Variants in BMP7 observed in about 807,000 individuals in gnomAD.
BMP7 encodes the protein osteogenic protein 1.
In BMP7, 12 loss-of-function variants were observed where a neutral mutation model predicts 41.2. That is an observed-to-expected ratio of 0.29 (90% CI 0.19 to 0.47). The LOEUF (loss-of-function observed/expected upper bound fraction) is 0.47. Among genes scored for constraint, BMP7 ranks in the 20% least tolerant of loss-of-function variants. BMP7 has a pLI of 0.99. For missense variants in BMP7, 467 were observed against 606.0 expected (o/e 0.77, Z 2.41); for synonymous variants, 248 against 250.0 (o/e 0.99, Z 0.07).
At chr20:57,226,086 C>T (rs1032974619) in intron 2 of BMP7, 26 of 402,500 alleles carry the variant, frequency 6.5e-5, no homozygotes, top group South Asian at 2.0e-4. Flanking sequence ...ACGCCTGGAA[C>T]GCCCATCCCT....
chr20:57,236,985 C>A (rs771355953), intron 1 of BMP7, among the ~76,000 whole-genome samples: 1 of 152,186 alleles, frequency 6.6e-6, no homozygotes, highest in Admixed American at 6.5e-5. Context: ...ATTTGGTTAA[C>A]CTTCCAGACT....
chr20:57,257,104 A>T (rs1412968723), intron 1 of BMP7, among the ~76,000 whole-genome samples: 2 of 152,166 alleles, frequency 1.3e-5, no homozygotes, highest in South Asian at 4.1e-4. Context: ...TGCTGCCACC[A>T]ATGTGCAGAA....
chr20:57,192,348 G>A (rs230187), intron 3 of BMP7, among the ~76,000 whole-genome samples: 4,852 of 142,120 alleles, frequency 0.034, 270 homozygotes, highest in African/African-American at 0.12. Flanking sequence ...TATTTTTTAT[G>A]TGTATATATA....
At chr20:57,192,267 A>AGT (rs1249232695) in intron 3 of BMP7, among the ~76,000 whole-genome samples, 2 of 134,074 alleles carry the variant, frequency 1.5e-5, no homozygotes, top group Non-Finnish European at 3.1e-5. Flanking sequence ...TAGTATATAT[A>AGT]GTATATATAC....
Position 57,224,776 on chromosome 20 carries a change from G to T in BMP7, c.611+3453C>A, listed in dbSNP as rs1477540196. On this transcript the variant is annotated intron_variant, in intron 2 of 6. Transcript: ENST00000395863. The surrounding 1 kb of genome is among the most constrained non-coding windows in gnomAD (Gnocchi z 4.8). ...CAGACCTGCCTCTGAGCCCCCACTC[G>T]CTCCACAGCCCGCCAAGGGCGGCTC... The T allele has an allele frequency of 6.6e-6, 1 of 152,398 alleles. No homozygotes were observed. Among genetic ancestry groups the T allele is most frequent in the Non-Finnish European group, 1.5e-5 (1 of 68,180 alleles). The allele number at this position is 152,398 out of a possible 1,614,324, so 9.4% of individuals were successfully genotyped here.
chr20:57,223,704 C>T (rs929796207), intron 2 of BMP7, among the ~76,000 whole-genome samples: 2 of 152,236 alleles, frequency 1.3e-5, no homozygotes, highest in Non-Finnish European at 2.9e-5. Flanking sequence ...CTGAAGTGTC[C>T]AGCACAGTCA....
chr20:57,170,751 G>T lies in BMP7; in HGVS notation c.*208C>A. 1 of 648,122 alleles carries T rather than the reference G, an allele frequency of 1.5e-6. No homozygotes were observed. Among genetic ancestry groups the T allele is most frequent in the Admixed American group, 2.6e-5 (1 of 38,616 alleles). 40.1% of individuals were successfully genotyped at this position (648,122 alleles called of 1,614,324 possible). A position where few individuals can be genotyped will look rare whatever the true frequency, so the allele number is the denominator to read the frequency against. On this transcript the variant is annotated 3_prime_UTR_variant, in exon 7 of 7. Coordinates refer to ENST00000395863, the MANE Select transcript of BMP7 (RefSeq NM_001719.3). ...CTGCTAGGTTTTGCCTGCACAGCTT[G>T]TAGGATCTTGTTCATTGGATGCTGC... is the stretch of plus-strand genomic sequence containing the variant.
At chr20:57,232,010 T>A (rs1012219699) in intron 1 of BMP7, among the ~76,000 whole-genome samples, 2 of 152,236 alleles carry the variant, frequency 1.3e-5, no homozygotes, top group Non-Finnish European at 2.9e-5. Flanking sequence ...ATCCCCATTT[T>A]ACAGATGAGG....
chr20:57,224,645 C>G lies in BMP7; in HGVS notation c.611+3584G>C, dbSNP rs1236123215. 6.6e-6 allele frequency: 1 copy of G among 152,364 alleles called. No individual in the cohort carries two copies. The highest frequency in any genetic ancestry group is 1.5e-5 in the Non-Finnish European group (1 of 68,134). The allele number at this position is 152,364 out of a possible 1,614,324, so 9.4% of individuals were successfully genotyped here. On this transcript the variant is annotated intron_variant, in intron 2 of 6. Transcript: ENST00000395863. This position sits in a 1 kb window ranked among gnomAD's most constrained non-coding sequence, Gnocchi z 4.8. The stretch of plus-strand genomic sequence containing the variant: ...CCAGCTCCTGGAAGCCAGGCCCCAG[C>G]TGGCCTGGCCTCAGGCCTGGGGTTC...
chr20:57,230,228 A>G (rs1198674718), intron 1 of BMP7, among the ~76,000 whole-genome samples: 1 of 152,078 alleles, frequency 6.6e-6, no homozygotes, highest in African/African-American at 2.4e-5. Context: ...GACCCAATCT[A>G]TGGGACAGGC....
chr20:57,193,213 A>C (rs1184301242), intron 3 of BMP7, among the ~76,000 whole-genome samples: 3 of 152,264 alleles, frequency 2.0e-5, no homozygotes, highest in Non-Finnish European at 2.9e-5. Flanking sequence ...ATCGGGATAC[A>C]GAGCAGCTCC....
Position 57,171,201 on chromosome 20 carries a change from C to G in BMP7, c.1147-93G>C. On this transcript the variant is annotated intron_variant, in intron 6 of 6. Transcript: ENST00000395863. The surrounding 1 kb of genome is among the most constrained non-coding windows in gnomAD (Gnocchi z 4.5). Reference sequence around the variant, plus strand: ...TCTATAAAGAAACATCCTGTCTGGGCATAATGAATGACTGCAGGTGACACT... The same window carrying G: ...TCTATAAAGAAACATCCTGTCTGGGGATAATGAATGACTGCAGGTGACACT... 6.4e-7 allele frequency: 1 copy of G among 1,560,986 alleles called. No individual in the cohort carries two copies. The highest frequency in any genetic ancestry group is 8.8e-7 in the Non-Finnish European group (1 of 1,138,580).
At chr20:57,244,654 G>T (rs1181008204) in intron 1 of BMP7, among the ~76,000 whole-genome samples, 3 of 152,312 alleles carry the variant, frequency 2.0e-5, no homozygotes, top group East Asian at 3.9e-4. Flanking sequence ...CCCCAGTTCT[G>T]GGGCTGTTGG....
chr20:57,255,606 C>T (rs2066130813), intron 1 of BMP7, among the ~76,000 whole-genome samples: 1 of 151,912 alleles, frequency 6.6e-6, no homozygotes, highest in South Asian at 2.1e-4. Context: ...TTAAGACCAG[C>T]CTGGCCAACA....
rs997723120 is a variant in BMP7 at position 57,215,319 on chromosome 20, A to T, written c.612-12696T>A. On this transcript the variant is annotated intron_variant, in intron 2 of 6. Transcript: ENST00000395863. The surrounding 1 kb of genome is among the most constrained non-coding windows in gnomAD (Gnocchi z 4.2). ...TTTACTGTCCCCATCACCTCTTCGG[A>T]GCCACCTCCTTTCCCCACATCAGGC... Among the ~76,000 whole-genome samples, 2 of 152,190 alleles carry T rather than the reference A, an allele frequency of 1.3e-5. No individual in the cohort carries two copies. The highest frequency in any genetic ancestry group is 4.8e-5 in the African/African-American group (2 of 41,422).
chr20:57,254,494 C>T (rs1267571694), intron 1 of BMP7, among the ~76,000 whole-genome samples: 2 of 152,052 alleles, frequency 1.3e-5, no homozygotes, highest in Non-Finnish European at 2.9e-5. Flanking sequence ...TGTGTATGAA[C>T]CCACAAACAA....
intron 1 of BMP7, among the ~76,000 whole-genome samples, chr20:57,253,480 G>A (rs150254601): frequency 3.1e-4 from 47 of 152,310 alleles, no homozygotes; most frequent in African/African-American, 1.1e-3. Context: ...ATGAGGAAAA[G>A]AGAGTTTTAA....
chr20:57,205,418 T>G (rs1266451467), intron 2 of BMP7, among the ~76,000 whole-genome samples: 1 of 152,242 alleles, frequency 6.6e-6, no homozygotes, highest in African/African-American at 2.4e-5. Context: ...TCCTGCTGTC[T>G]TATCTCCAGT....
intron 2 of BMP7, among the ~76,000 whole-genome samples, chr20:57,217,034 C>A (rs529713388): frequency 6.6e-6 from 1 of 152,154 alleles, no homozygotes; most frequent in African/African-American, 2.4e-5. Context: ...CACCGTGAGC[C>A]CCCGCATGTG....
Sources: allele counts gnomAD v4.1 joint callset (sites outside exome capture counted in the v4.1 genomes callset), GRCh38; gene constraint gnomAD v4.1.1; non-coding constraint Gnocchi (gnomAD v3.1); transcripts MANE v1.5; gene names NCBI Gene and HGNC (gene_info 2026-07-23, HGNC 2026-07-21).